GUCY1A1: variants seen among roughly 807,000 people sequenced by gnomAD.
The protein encoded by GUCY1A1 is guanylate cyclase 1 soluble subunit alpha 1, also known as guanylate cyclase soluble subunit alpha-1.
A neutral mutation model predicts 64.5 loss-of-function variants in GUCY1A1; 48 were observed. The observed-to-expected ratio is 0.74, with a 90% confidence interval of 0.59 to 0.95. The LOEUF is 0.95. Ranked by LOEUF, GUCY1A1 falls within the 40% of genes least tolerant of loss-of-function variation. GUCY1A1 has a pLI of 0.00. For synonymous variants in GUCY1A1, 308 were observed against 303.4 expected, an observed-to-expected ratio of 1.02 and a Z score of -0.16; for missense variants, 804 against 825.3, an observed-to-expected ratio of 0.97 and a Z score of 0.32.
intron 8 of GUCY1A1, among the ~76,000 whole-genome samples, chr4:155,720,208 T>G (rs1733779166): frequency 6.6e-6 from 1 of 152,096 alleles, no homozygotes; most frequent in Non-Finnish European, 1.5e-5. Flanking sequence ...ATTTAATATA[T>G]AATAAGCTGG....
rs774658776 is a variant in GUCY1A1, at chr4:155,696,991, G to T, written c.124G>T (p.Ala42Ser). ...AGCAGGAAGCTCAGAGAGCTGCAAA[G>T]CAACCGTGCCCATCTGTCAAGACAT... is the stretch of plus-strand genomic sequence containing the variant. ...EAAGSSESCK[A>S]TVPICQDIPE... is the part of the protein sequence containing the mutation. The change falls in exon 3 of 10, where the codon GCA becomes TCA. Residue 42 changes from alanine to serine, a missense_variant. Coordinates refer to ENST00000506455, the MANE Select transcript of GUCY1A1 (RefSeq NM_001130682.3). 2 of 1,613,804 alleles carry T rather than the reference G, an allele frequency of 1.2e-6. No homozygotes were observed. The highest frequency in any genetic ancestry group is 8.5e-7 in the Non-Finnish European group (1 of 1,179,764).
chr4:155,720,532 G>A (rs773223793), intron 8 of GUCY1A1, among the ~76,000 whole-genome samples: 11 of 152,026 alleles, frequency 7.2e-5, no homozygotes, highest in Non-Finnish European at 1.3e-4. Context: ...AAACATGATC[G>A]GAGGGAAGTA....
rs75793282 is a variant in GUCY1A1, at chr4:155,700,406, G to A, written c.255+3284G>A. Among the ~76,000 whole-genome samples the A allele has an allele frequency of 6.5e-3, 982 of 152,146 alleles. 5 individuals are homozygous for A. The highest frequency in any genetic ancestry group is 0.011 in the Non-Finnish European group (758 of 67,980). On this transcript the variant is annotated intron_variant, in intron 3 of 9. Transcript: ENST00000506455. ...TAAAATATTATTGGTCTAGAAAAAC[G>A]TTAAGCACTGTAGGAAAATTAAAAA...
Position 155,733,498 on chromosome 4 carries a change from G to T in GUCY1A1, c.*3267G>T, listed in dbSNP as rs772892141. ...TGTCATGTAAAGGTGTGCCATGATA[G>T]TTATTCATATTGCTATTGTAATATT... On this transcript the variant is annotated 3_prime_UTR_variant, in exon 10 of 10. Coordinates refer to ENST00000506455, the MANE Select transcript of GUCY1A1 (RefSeq NM_001130682.3). 2.0e-5 allele frequency among the ~76,000 whole-genome samples: 3 copies of T among 151,600 alleles called. No individual in the cohort carries two copies. Among genetic ancestry groups the T allele is most frequent in the Non-Finnish European group, 2.9e-5 (2 of 67,836 alleles).
Position 155,731,505 on chromosome 4 carries a change from C to G in GUCY1A1, c.*1274C>G, listed in dbSNP as rs1358062824. ...TGTCTAAGTATTTTTTCCGGAACTTCAACTTTTTCTTTTTGTTTTACATAA... is the reference window on the plus strand; with the variant it reads ...TGTCTAAGTATTTTTTCCGGAACTTGAACTTTTTCTTTTTGTTTTACATAA... On this transcript the variant is annotated 3_prime_UTR_variant, in exon 10 of 10. Coordinates refer to ENST00000506455, the MANE Select transcript of GUCY1A1 (RefSeq NM_001130682.3). The G allele has an allele frequency of 1.3e-5, 2 of 151,722 alleles. No homozygotes were observed. Among genetic ancestry groups the G allele is most frequent in the Non-Finnish European group, 2.9e-5 (2 of 67,814 alleles). The allele number at this position is 151,722 out of a possible 1,614,324, so 9.4% of individuals were successfully genotyped here. A position where few individuals can be genotyped will look rare whatever the true frequency, so the allele number is the denominator to read the frequency against.
At chr4:155,694,326 T>G (rs1300954847) in intron 2 of GUCY1A1, among the ~76,000 whole-genome samples, 1 of 152,058 alleles carries the variant, frequency 6.6e-6, no homozygotes, top group Non-Finnish European at 1.5e-5. Flanking sequence ...GAGGATTGCT[T>G]GAGCCCAGGA....
At position 155,713,248 on chromosome 4, in the gene GUCY1A1, G is replaced by A. The variant is rs746954338; in HGVS notation, c.1237G>A (p.Val413Ile). Residue 413 changes from valine (V) to isoleucine (I), a missense_variant, in exon 7 of 10, where the codon GTC becomes ATC. Transcript: ENST00000506455. ...AATTCACAATGCACTGAGGGATGTG[G>A]TCTTAATAGGGGAACAAGCCCGAGC... ...IPIHNALRDV[V>I]LIGEQARAQD... is the part of the protein sequence containing the mutation. 6.2e-7 allele frequency: 1 copy of A among 1,614,106 alleles called. No homozygotes were observed. Among genetic ancestry groups the A allele is most frequent in the South Asian group, 1.1e-5 (1 of 91,080 alleles).
intron 5 of GUCY1A1, among the ~76,000 whole-genome samples, chr4:155,710,055 C>G (rs1021036814): frequency 6.6e-6 from 1 of 152,110 alleles, no homozygotes; most frequent in African/African-American, 2.4e-5. Context: ...CGATTTGATT[C>G]AGGAAAAAAT....
At chr4:155,709,285 C>T (rs892624572) in intron 5 of GUCY1A1, among the ~76,000 whole-genome samples, 8 of 152,316 alleles carry the variant, frequency 5.3e-5, no homozygotes, top group African/African-American at 1.4e-4. Context: ...TCTTATAAGA[C>T]GGCCTGACCC....
intron 2 of GUCY1A1, among the ~76,000 whole-genome samples, chr4:155,693,510 A>ATATTCTG (rs1730025360): frequency 6.6e-6 from 1 of 152,012 alleles, no homozygotes; most frequent in Non-Finnish European, 1.5e-5. Context: ...CCTGCCAGGA[A>ATATTCTG]TATTCTGTAT....
chr4:155,727,320 T>C (rs1734838965), intron 9 of GUCY1A1, among the ~76,000 whole-genome samples: 1 of 151,944 alleles, frequency 6.6e-6, no homozygotes, highest in Non-Finnish European at 1.5e-5. Context: ...TCAAACTCCA[T>C]AGCATTCTAA....
intron 7 of GUCY1A1, 58 bp from the exon 8 acceptor site, chr4:155,717,101 G>C: frequency 8.4e-7 from 1 of 1,193,164 alleles, no homozygotes; most frequent in South Asian, 2.2e-5. Context: ...TCTATCCGAT[G>C]TAGGCTGTGA....
chr4:155,694,641 A>G (rs577602281), intron 2 of GUCY1A1, among the ~76,000 whole-genome samples: 3 of 152,200 alleles, frequency 2.0e-5, no homozygotes, highest in African/African-American at 4.8e-5. Context: ...ATTCATTTGT[A>G]TATCATCTCT....
At chr4:155,699,515 GA>G (rs1423674805) in intron 3 of GUCY1A1, among the ~76,000 whole-genome samples, 1 of 152,184 alleles carries the variant, frequency 6.6e-6, no homozygotes, top group African/African-American at 2.4e-5. Context: ...ATGTAACAGA[GA>G]GGGCAAGACT....
intron 2 of GUCY1A1, among the ~76,000 whole-genome samples, chr4:155,696,271 T>C (rs1030870847): frequency 1.3e-5 from 2 of 152,176 alleles, no homozygotes; most frequent in Non-Finnish European, 2.9e-5. Context: ...TGAAAACATA[T>C]ACTTGGGGAT....
At chr4:155,687,160 T>G (rs1223135280) in intron 2 of GUCY1A1, among the ~76,000 whole-genome samples, 1 of 152,220 alleles carries the variant, frequency 6.6e-6, no homozygotes, top group Non-Finnish European at 1.5e-5. Flanking sequence ...TTTAATAACT[T>G]ATGTCAGCAC....
chr4:155,668,739 C>G (rs958576309), intron 2 of GUCY1A1, among the ~76,000 whole-genome samples: 3 of 152,074 alleles, frequency 2.0e-5, no homozygotes, highest in African/African-American at 4.8e-5. Context: ...AAAAAGTAAA[C>G]TCGTTATGAT....
chr4:155,718,601 A>C (rs951711831), intron 8 of GUCY1A1, among the ~76,000 whole-genome samples: 1 of 152,180 alleles, frequency 6.6e-6, no homozygotes, highest in African/African-American at 2.4e-5. Flanking sequence ...ATTCATTCCA[A>C]GACTGCTGCT....
chr4:155,712,511 G>T (rs2126869400), intron 6 of GUCY1A1, among the ~76,000 whole-genome samples: 1 of 152,136 alleles, frequency 6.6e-6, no homozygotes, highest in South Asian at 2.1e-4. Context: ...CCTTCTTGTG[G>T]TCCAGGATGA....
Sources: allele counts gnomAD v4.1 joint callset (sites outside exome capture counted in the v4.1 genomes callset), GRCh38; gene constraint gnomAD v4.1.1; transcripts MANE v1.5; gene names NCBI Gene and HGNC (gene_info 2026-07-23, HGNC 2026-07-21).